NAF1: variants seen among roughly 807,000 people sequenced by gnomAD.
NAF1 encodes the protein H/ACA ribonucleoprotein complex non-core subunit NAF1.
NAF1 carries 11 observed loss-of-function variants against 40.6 expected under a neutral mutation model. The observed-to-expected ratio is 0.27, with a 90% CI of 0.17 to 0.45. The LOEUF is 0.45. Among genes scored for constraint, NAF1 ranks in the 20% least tolerant of loss-of-function variants. NAF1 has a pLI of 1.00. For missense variants in NAF1, 607 were observed against 611.1 expected (o/e 0.99, Z 0.07); for synonymous variants, 260 against 228.5 (o/e 1.14, Z -1.24).
At chr4:163,124,943 C>T (rs755893380), downstream of NAF1, among the ~76,000 whole-genome samples, 6 of 152,154 alleles carry the variant, frequency 3.9e-5, no homozygotes, top group African/African-American at 1.2e-4. Context: ...TGTATTCTGT[C>T]GCATTCTGGT....
chr4:163,160,016 A>T (rs1732152045), intron 2 of NAF1, among the ~76,000 whole-genome samples: 1 of 152,174 alleles, frequency 6.6e-6, no homozygotes, highest in Non-Finnish European at 1.5e-5. Context: ...CACTTGATAC[A>T]TTTGAATGAA....
chr4:163,149,191 G>C (rs1277231907), intron 2 of NAF1, among the ~76,000 whole-genome samples: 1 of 152,228 alleles, frequency 6.6e-6, no homozygotes, highest in Middle Eastern at 3.4e-3. Context: ...TTAGCCTTTA[G>C]ATTAAAAACA....
intron 4 of NAF1, chr4:163,143,962 T>C: frequency 1.1e-6 from 1 of 893,150 alleles, no homozygotes; most frequent in African/African-American, 1.8e-5. Context: ...TGTATTACTG[T>C]ATCATAAGTT....
chr4:163,117,350 A>G (rs1434416163), intron 2 of NAF1: 2 of 152,148 alleles, frequency 1.3e-5, no homozygotes, highest in Non-Finnish European at 2.9e-5. Context: ...CCCAGCATCA[A>G]ATGACTGACC....
intron 2 of NAF1, among the ~76,000 whole-genome samples, chr4:163,113,271 G>A (rs1730219201): frequency 6.6e-6 from 1 of 152,026 alleles, no homozygotes; most frequent in African/African-American, 2.4e-5. Flanking sequence ...CCAAGGAAGA[G>A]AGTATGGCCA....
Position 163,129,323 on chromosome 4 carries a change from C to T in NAF1, c.1059G>A (p.Gln353=), listed in dbSNP as rs1053374834. The T allele has an allele frequency of 1.2e-6, 2 of 1,611,424 alleles. No individual in the cohort carries two copies. Among genetic ancestry groups the T allele is most frequent in the Admixed American group, 1.7e-5 (1 of 59,996 alleles). The change falls in exon 8 of 8, where the codon CAG becomes CAA. Residue 353 remains glutamine (Q), a synonymous_variant. Transcript: ENST00000274054. The part of the protein sequence containing the change: ...EPGEDFTEVH[Q]NWNAHSSASE... ...AAGCAGAGCTATGAGCATTCCAATT[C>T]TGATGTACTTCAGTAAAATCTTCAC...
rs76403095 is a variant in NAF1 at position 163,162,686 on chromosome 4, C to G, written c.540+1531G>C. On this transcript the variant is annotated intron_variant, in intron 2 of 7. Transcript: ENST00000274054. ...GACTGGTCTTGTTTACAGCACCTGG[C>G]AAATGGCAGGTGTGCTATAATAATT... 4.2e-3 allele frequency among the ~76,000 whole-genome samples: 636 copies of G among 152,264 alleles called. 27 individuals are homozygous for G. The East Asian group carries it at 0.058, about 14-fold the overall frequency.
intron 7 of NAF1, among the ~76,000 whole-genome samples, chr4:163,131,426 A>T (rs532202665): frequency 2.0e-5 from 3 of 152,140 alleles, no homozygotes; most frequent in Admixed American, 6.5e-5. Context: ...AAACAAAAAA[A>T]CCTCAGCAAG....
At chr4:163,134,554 G>A (rs1395633669) in intron 6 of NAF1, among the ~76,000 whole-genome samples, 1 of 152,038 alleles carries the variant, frequency 6.6e-6, no homozygotes, top group East Asian at 1.9e-4. Flanking sequence ...TCCTTTTTCT[G>A]AGAAAACAGA....
rs778221147 is a variant in NAF1 at position 163,166,503 on chromosome 4, C to T, written c.225G>A (p.Ala75=). The T allele has an allele frequency of 1.3e-6, 2 of 1,598,704 alleles. No homozygotes were observed. The highest frequency in any genetic ancestry group is 1.3e-5 in the African/African-American group (1 of 74,692). ...GTGGCTGCGGCGCCGGGGTCCCGGC[C>T]GCGACGGCGTTCAGAACGGGCTGCA... ...QPLQPVLNAV[A]AGTPAPQPQP... is the part of the protein sequence containing the mutation. The change falls in exon 1 of 8, where the codon GCG becomes GCA. Residue 75 remains alanine, a synonymous_variant. Transcript: ENST00000274054.
chr4:163,166,491 C>A lies in NAF1; in HGVS notation c.237G>T (p.Pro79=). 1 of 1,598,564 alleles carries A rather than the reference C, an allele frequency of 6.3e-7. No individual in the cohort carries two copies. ...CAGCCGGTGGCTGTGGCTGCGGCGC[C>A]GGGGTCCCGGCCGCGACGGCGTTCA... ...PVLNAVAAGT[P]APQPQPPAES... is the part of the protein sequence containing the mutation. The change falls in exon 1 of 8, where the codon CCG becomes CCT. Residue 79 remains proline, a synonymous_variant. Coordinates refer to ENST00000274054, the MANE Select transcript of NAF1 (RefSeq NM_138386.3).
At chr4:163,145,445 G>A (rs1178430035) in intron 4 of NAF1, among the ~76,000 whole-genome samples, 1 of 152,130 alleles carries the variant, frequency 6.6e-6, no homozygotes, top group Admixed American at 6.5e-5. Flanking sequence ...CTATACTATG[G>A]GAAGTCTTCT....
chr4:163,106,273 T>TA (rs1488393753), downstream of NAF1, among the ~76,000 whole-genome samples: 1 of 152,210 alleles, frequency 6.6e-6, no homozygotes, highest in Non-Finnish European at 1.5e-5. Context: ...TTTTGTAAAT[T>TA]AAAGTATGCC....
Position 163,129,359 on chromosome 4 carries a change from G to A in NAF1, c.1034-11C>T. 3.8e-6 allele frequency: 6 copies of A among 1,583,490 alleles called. No individual in the cohort carries two copies. Among genetic ancestry groups the A allele is most frequent in the Non-Finnish European group, 5.2e-6 (6 of 1,157,884 alleles). On this transcript the variant is annotated splice_polypyrimidine_tract_variant and intron_variant, in intron 7 of 7. Transcript: ENST00000274054. ...CAGTAAAATCTTCACCTTTGAGTGA[G>A]GGGAGGGAAAACATAAAAAGGAAAA...
downstream of NAF1, among the ~76,000 whole-genome samples, chr4:163,106,193 T>C (rs896096366): frequency 5.0e-4 from 76 of 152,196 alleles, no homozygotes; most frequent in African/African-American, 1.8e-3. Flanking sequence ...GCCCCAAATA[T>C]GTGTAGTGAG....
intron 2 of NAF1, among the ~76,000 whole-genome samples, chr4:163,151,863 T>C (rs886235957): frequency 2.0e-5 from 3 of 152,200 alleles, no homozygotes; most frequent in Admixed American, 1.3e-4. Context: ...AGCTATTTTA[T>C]ATATTACTTG....
At chr4:163,122,739 A>G (rs1031138140), downstream of NAF1, among the ~76,000 whole-genome samples, 5 of 152,158 alleles carry the variant, frequency 3.3e-5, no homozygotes, top group Non-Finnish European at 7.3e-5. Flanking sequence ...TTCTACCATT[A>G]TAAGGGTGAG....
chr4:163,163,977 G>T (rs1732337421), intron 2 of NAF1, among the ~76,000 whole-genome samples: 1 of 151,960 alleles, frequency 6.6e-6, no homozygotes, highest in Admixed American at 6.6e-5. Flanking sequence ...GTTCAAAGCT[G>T]AAGTTGATGC....
intron 2 of NAF1, among the ~76,000 whole-genome samples, chr4:163,148,811 C>A (rs1392956158): frequency 1.3e-5 from 2 of 152,154 alleles, no homozygotes; most frequent in Non-Finnish European, 1.5e-5. Context: ...ACTATAATTT[C>A]TCCACATAAG....
Sources: gnomAD v4.1 joint callset for allele counts (sites outside exome capture counted in the v4.1 genomes callset) on GRCh38, gnomAD v4.1.1 for gene constraint, MANE v1.5 for transcripts, NCBI Gene and HGNC (gene_info 2026-07-23, HGNC 2026-07-21) for gene names.